The following RAB11FIP3 variants were observed in gnomAD, a reference collection of about 807,000 sequenced individuals.
RAB11FIP3 encodes rab11 family-interacting protein 3.
Under a neutral mutation model 77.8 loss-of-function variants are expected in RAB11FIP3, and 17 were observed. The observed-to-expected ratio is 0.22, with a 90% CI of 0.15 to 0.33. RAB11FIP3 has a LOEUF of 0.33. Ranked by LOEUF, RAB11FIP3 falls within the 10% of genes least tolerant of loss-of-function variation. The pLI, the probability that RAB11FIP3 is intolerant of heterozygous loss-of-function variation, is 1.00. For missense variants in RAB11FIP3, 1,005 were observed against 1,011.2 expected (o/e 0.99, Z 0.08); for synonymous variants, 437 against 448.2 (o/e 0.98, Z 0.31).
intron 3 of RAB11FIP3, among the ~76,000 whole-genome samples, chr16:482,169 C>T (rs924475396): frequency 6.8e-6 from 1 of 146,422 alleles, no homozygotes; most frequent in African/African-American, 2.6e-5. Context: ...CAAGCTCCTC[C>T]GTCAGTCTCT....
At chr16:486,209 C>T (rs999669840) in intron 4 of RAB11FIP3, among the ~76,000 whole-genome samples, 16 of 152,136 alleles carry the variant, frequency 1.1e-4, no homozygotes, top group African/African-American at 3.9e-4. Context: ...AGTTTTTAAG[C>T]AGTATAACTC....
chr16:457,459 A>G (rs566769731), intron 1 of RAB11FIP3, among the ~76,000 whole-genome samples: 2 of 150,414 alleles, frequency 1.3e-5, no homozygotes, highest in African/African-American at 4.9e-5. Context: ...GTTTTCTGCC[A>G]CTACTGGATT....
At chr16:458,202 T>C (rs1243713448) in intron 1 of RAB11FIP3, among the ~76,000 whole-genome samples, 1 of 152,232 alleles carries the variant, frequency 6.6e-6, no homozygotes, top group Non-Finnish European at 1.5e-5. Context: ...CTTGCTCTGG[T>C]GCCCTGTGTG....
chr16:467,526 G>A (rs375918454), intron 2 of RAB11FIP3, among the ~76,000 whole-genome samples: 1 of 135,208 alleles, frequency 7.4e-6, no homozygotes, highest in Non-Finnish European at 1.6e-5. Flanking sequence ...GTGCGGGGGC[G>A]TCAGGGAGGA....
chr16:497,069 G>A, intron 6 of RAB11FIP3: 1 of 585,314 alleles, frequency 1.7e-6, no homozygotes, highest in Non-Finnish European at 2.8e-6. Context: ...TGTGACCAGG[G>A]AGGGTACGTG....
intron 9 of RAB11FIP3, among the ~76,000 whole-genome samples, chr16:515,922 C>G (rs770923307): frequency 1.3e-5 from 2 of 152,204 alleles, no homozygotes; most frequent in Non-Finnish European, 2.9e-5. Flanking sequence ...GAGGAGGAAT[C>G]GGGACTGCAG....
At chr16:496,570 TG>T (rs2031152208) in intron 5 of RAB11FIP3, among the ~76,000 whole-genome samples, 1 of 152,226 alleles carries the variant, frequency 6.6e-6, no homozygotes, top group Non-Finnish European at 1.5e-5. Flanking sequence ...AGTCGTGGTC[TG>T]GGGTGGCTGC....
At chr16:494,578 T>G (rs1284959229) in intron 5 of RAB11FIP3, among the ~76,000 whole-genome samples, 2 of 151,784 alleles carry the variant, frequency 1.3e-5, no homozygotes, top group East Asian at 3.9e-4. Context: ...GCCGAGATCA[T>G]GCCACTGCAC....
chr16:460,882 C>A (rs2141648319), intron 1 of RAB11FIP3, among the ~76,000 whole-genome samples: 1 of 152,348 alleles, frequency 6.6e-6, no homozygotes, highest in South Asian at 2.1e-4. Flanking sequence ...TGTCCTGTGG[C>A]TGTGACCGTC....
At chr16:503,874 C>T (rs575215964) in intron 7 of RAB11FIP3, among the ~76,000 whole-genome samples, 10 of 151,696 alleles carry the variant, frequency 6.6e-5, no homozygotes, top group African/African-American at 1.7e-4. Flanking sequence ...AGGGAGACTC[C>T]GTCTCACCTT....
At chr16:502,394 TCCACAGGAGCTGGTG>T (rs2031584282) in intron 6 of RAB11FIP3, among the ~76,000 whole-genome samples, 1 of 152,168 alleles carries the variant, frequency 6.6e-6, no homozygotes, top group African/African-American at 2.4e-5. Flanking sequence ...TGGGGGCGTG[TCCACAGGAGCTGGTG>T]CCACAGAGGA....
At chr16:473,149 T>C (rs945601839) in intron 3 of RAB11FIP3, among the ~76,000 whole-genome samples, 2 of 152,206 alleles carry the variant, frequency 1.3e-5, no homozygotes, top group Admixed American at 6.5e-5. Context: ...AGGGAAACCT[T>C]GAGTGACGTT....
chr16:441,939 C>G (rs1001230537), intron 1 of RAB11FIP3, among the ~76,000 whole-genome samples: 1 of 152,186 alleles, frequency 6.6e-6, no homozygotes, highest in Admixed American at 6.5e-5. Flanking sequence ...CCCAGGTTCA[C>G]GCCATTCTCC....
rs2032622617 is a variant in RAB11FIP3 at position 520,274 on chromosome 16, G to C, written c.2013G>C (p.Lys671Asn). Residue 671 changes from lysine to asparagine, a missense_variant, in exon 12 of 14, where the codon AAG becomes AAC. Lys to Asn is a moderately conservative substitution (Grantham distance 94, BLOSUM62 0). This residue lies in a region of RAB11FIP3 where 90 missense variants were observed against 129.7 expected (regional missense o/e 0.69). Transcript: ENST00000262305. ...SELEQEVRRL[K>N]QDNRNLKEQN... ...TGGAGCAGGAGGTCCGCAGGCTGAA[G>C]CAGGTGGGCAGGCCTGGGCCTCCCT... The C allele has an allele frequency of 6.5e-7, 1 of 1,545,460 alleles. No homozygotes were observed. The highest frequency in any genetic ancestry group is 8.7e-7 in the Non-Finnish European group (1 of 1,147,536).
At chr16:467,124 C>T (rs2055714133) in intron 2 of RAB11FIP3, among the ~76,000 whole-genome samples, 1 of 152,160 alleles carries the variant, frequency 6.6e-6, no homozygotes, top group Non-Finnish European at 1.5e-5. Flanking sequence ...GGAGACAGAC[C>T]ACAAAGTAAG....
At chr16:484,470 G>A (rs1254992931) in intron 4 of RAB11FIP3, among the ~76,000 whole-genome samples, 1 of 152,084 alleles carries the variant, frequency 6.6e-6, no homozygotes, top group African/African-American at 2.4e-5. Context: ...TCCTGCCTCA[G>A]CCTCCCGGGT....
At position 482,651 on chromosome 16, in the gene RAB11FIP3, A is replaced by G. The variant is rs2056069002; in HGVS notation, c.1030A>G (p.Ser344Gly). The change falls in exon 4 of 14, where the codon AGT (serine) becomes GGT (glycine). Residue 344 changes from serine (S) to glycine (G), a missense_variant. Ser to Gly is a moderately conservative substitution (Grantham distance 56, BLOSUM62 0). This residue lies in a region of RAB11FIP3 where 433 missense variants were observed against 436.1 expected (regional missense o/e 0.99). Transcript: ENST00000262305. ...PELQPEGDADSAGGSAVPSEC... is the reference protein window; with the variant it reads ...PELQPEGDADGAGGSAVPSEC... ...GCTGCAACCTGAAGGGGACGCAGAC[A>G]GTGCCGGCGGCTCGGCCGTGCCCTC... is the stretch of plus-strand genomic sequence containing the variant. 6.2e-7 allele frequency: 1 copy of G among 1,613,166 alleles called. No individual in the cohort carries two copies. Among genetic ancestry groups the G allele is most frequent in the African/African-American group, 1.3e-5 (1 of 74,958 alleles).
chr16:487,684 C>T (rs566666567), intron 4 of RAB11FIP3, among the ~76,000 whole-genome samples: 8 of 152,058 alleles, frequency 5.3e-5, no homozygotes, highest in South Asian at 4.2e-4. Flanking sequence ...AGGACTCCTG[C>T]GGGAGGGTGG....
chr16:520,391 G>C, intron 12 of RAB11FIP3, 68 bp from the exon 13 acceptor site: 2 of 1,596,770 alleles, frequency 1.3e-6, no homozygotes, highest in South Asian at 2.2e-5. Flanking sequence ...TTTTCCCCGG[G>C]CAGTCCTTGT....
Sources: allele counts gnomAD v4.1 joint callset (sites outside exome capture counted in the v4.1 genomes callset), GRCh38; gene constraint gnomAD v4.1.1; regional missense constraint gnomAD v4.1.1; transcripts MANE v1.5; gene names NCBI Gene and HGNC (gene_info 2026-07-23, HGNC 2026-07-21).